Variants in APOL2 observed in about 807,000 individuals in gnomAD.
The protein encoded by APOL2 is apolipoprotein L, 2.
APOL2 carries 8 observed loss-of-function variants against 7.1 expected under a neutral mutation model. The observed-to-expected ratio is 1.12, with a 90% CI of 0.66 to 2.03. The LOEUF (loss-of-function observed/expected upper bound fraction) is 2.03, where lower values mean the gene tolerates loss of function less well. Ranked by LOEUF, APOL2 falls within the 30% of genes most tolerant of loss-of-function variation. APOL2 has a pLI of 0.00. For missense variants in APOL2, 471 were observed against 415.1 expected (o/e 1.13, Z -1.17); for synonymous variants, 177 against 159.9 (o/e 1.11, Z -0.81).
intron 2 of APOL2, 30 bp downstream of exon 2, chr22:36,233,364 TCCTGGGGC>T: frequency 6.4e-7 from 1 of 1,562,158 alleles, no homozygotes; most frequent in Non-Finnish European, 8.7e-7. Flanking sequence ...AGTGTTTATC[TCCTGGGGC>T]CCTGCCAGCT....
At position 36,227,431 on chromosome 22, in the gene APOL2, C is replaced by T; in HGVS notation, c.987G>A (p.Glu329=). The change falls in exon 5 of 5, where the codon GAG becomes GAA. Residue 329 remains glutamate, a synonymous_variant. Coordinates refer to ENST00000358502, the MANE Select transcript of APOL2 (RefSeq NM_030882.4). The stretch of plus-strand genomic sequence containing the variant: ...ATTGGTCTTGGCCTGGCTGCAGCAT[C>T]TCATGGATCTTGGTGAGAAAGTTGA... ...GKLNFLTKIH[E]MLQPGQDQ 6.2e-7 allele frequency: 1 copy of T among 1,609,268 alleles called. No homozygotes were observed.
Position 36,227,659 on chromosome 22 carries a change from G to A in APOL2, c.759C>T (p.Gly253=), listed in dbSNP as rs200264212. 5.1e-5 allele frequency: 83 copies of A among 1,614,208 alleles called. No individual in the cohort carries two copies. In the Admixed American group the frequency reaches 1.3e-3, roughly 25 times the overall value. The change falls in exon 5 of 5, where the codon GGC becomes GGT. Residue 253 remains glycine, a synonymous_variant. Transcript: ENST00000358502. The stretch of plus-strand genomic sequence containing the variant: ...CAACAACCCTCTCAACCTGTTCACC[G>A]CCTTCAGCTGAGATTCGCCCAATGA... ...PHVIGRISAE[G]GEQVERVVEG...
Position 36,239,505 on chromosome 22 carries a change from G to A in APOL2, c.-198C>T, listed in dbSNP as rs138873667. 1,317 of 1,585,756 alleles carry A rather than the reference G, an allele frequency of 8.3e-4. 1 individual carries two copies. Among genetic ancestry groups the A allele is most frequent in the Non-Finnish European group, 9.9e-4 (1,165 of 1,172,752 alleles). ...CTGTTCTGAGCTGTGTGGATCCCAC[G>A]TCCAGCTGTGCATCTGTGTAATAAC... On this transcript the variant is annotated 5_prime_UTR_variant, in exon 1 of 5. In the 5' UTR this introduces an upstream ATG that the reference lacks. Transcript: ENST00000358502.
At chr22:36,232,336 A>C (rs2015250502) in intron 3 of APOL2, among the ~76,000 whole-genome samples, 1 of 152,248 alleles carries the variant, frequency 6.6e-6, no homozygotes, top group South Asian at 2.1e-4. Flanking sequence ...TGCCTGAGGC[A>C]GTCATCCCTG....
intron 4 of APOL2, among the ~76,000 whole-genome samples, chr22:36,229,921 A>T (rs1436579632): frequency 6.6e-6 from 1 of 152,092 alleles, no homozygotes; most frequent in African/African-American, 2.4e-5. Flanking sequence ...CTGGCTCCAC[A>T]TGGACGCTCC....
chr22:36,228,018 C>A lies in APOL2; in HGVS notation c.400G>T (p.Gly134Cys). ...TCTGTGAAGGGTGCCAGACCCAGGCCGAGGAGGGTCAGGATGCCAGAGGTA... is the reference window on the plus strand; with the variant it reads ...TCTGTGAAGGGTGCCAGACCCAGGCAGAGGAGGGTCAGGATGCCAGAGGTA... ...GTTSGILTLL[G>C]LGLAPFTEGI... The change falls in exon 5 of 5, where the codon GGC becomes TGC. Residue 134 changes from glycine to cysteine, a missense_variant. Coordinates refer to ENST00000358502, the MANE Select transcript of APOL2 (RefSeq NM_030882.4). 6.2e-7 allele frequency: 1 copy of A among 1,614,220 alleles called. No homozygotes were observed. The highest frequency in any genetic ancestry group is 8.5e-7 in the Non-Finnish European group (1 of 1,180,032).
At chr22:36,236,847 C>T in intron 1 of APOL2, 2 of 1,210,606 alleles carry the variant, frequency 1.7e-6, no homozygotes, top group South Asian at 7.3e-5. Flanking sequence ...CAGCAGTTCA[C>T]CAGGGGAGTA....
upstream of APOL2, chr22:36,239,727 C>T (rs553633501): frequency 1.2e-3 from 656 of 555,058 alleles, 3 homozygotes; most frequent in African/African-American, 0.011. Flanking sequence ...TCTCATCCAA[C>T]CCACCTGCCT....
chr22:36,234,749 C>G (rs2015342331), intron 1 of APOL2, among the ~76,000 whole-genome samples: 1 of 152,126 alleles, frequency 6.6e-6, no homozygotes, highest in African/African-American at 2.4e-5. Context: ...ACTAATTGCT[C>G]TAAGATGTTA....
In APOL2 at chr22:36,227,053, C is replaced by T. The variant is rs963999147; in HGVS notation, c.*351G>A. Reference sequence around the variant, plus strand: ...CATTTTGGCCAGGCGCGGTGGCTCACGCCTGTAATCCCAGCACTTTGGGAG... The same window carrying T: ...CATTTTGGCCAGGCGCGGTGGCTCATGCCTGTAATCCCAGCACTTTGGGAG... On this transcript the variant is annotated 3_prime_UTR_variant, in exon 5 of 5. Transcript: ENST00000358502. 6 of 198,948 alleles carry T rather than the reference C, an allele frequency of 3.0e-5. No individual in the cohort carries two copies. The highest frequency in any genetic ancestry group is 7.1e-5 in the African/African-American group (3 of 42,544). 12.3% of individuals were successfully genotyped at this position (198,948 alleles called of 1,614,324 possible). A position where few individuals can be genotyped will look rare whatever the true frequency, so the allele number is the denominator to read the frequency against.
intron 3 of APOL2, 119 bp from the exon 4 acceptor site, chr22:36,231,585 G>A: frequency 7.8e-7 from 1 of 1,280,752 alleles, no homozygotes; most frequent in Non-Finnish European, 1.1e-6. Context: ...GGACATGTTT[G>A]ATGGAGTCAT....
intron 1 of APOL2, among the ~76,000 whole-genome samples, chr22:36,236,403 C>T (rs1407483516): frequency 6.6e-6 from 1 of 152,132 alleles, no homozygotes; most frequent in Non-Finnish European, 1.5e-5. Context: ...AAATTGTTTA[C>T]AGCTACAAAG....
Position 36,227,842 on chromosome 22 carries a change from T to C in APOL2, c.576A>G (p.Ala192=), listed in dbSNP as rs1406834549. 4.2e-5 allele frequency: 67 copies of C among 1,614,120 alleles called. No individual in the cohort carries two copies. The highest frequency in any genetic ancestry group is 5.5e-5 in the Non-Finnish European group (65 of 1,180,052). Residue 192 remains alanine (A), a synonymous_variant, in exon 5 of 5, where the codon GCA becomes GCG. Coordinates refer to ENST00000358502, the MANE Select transcript of APOL2 (RefSeq NM_030882.4). The part of the protein sequence containing the change: ...RNLDQSGTNV[A]KVMKEFVGGN... ...CACCCACAAACTCCTTCATCACCTT[T>C]GCTACATTGGTGCCGCTTTGGTCCA...
chr22:36,235,400 C>CA (rs1221369412), intron 1 of APOL2, among the ~76,000 whole-genome samples: 1 of 151,912 alleles, frequency 6.6e-6, no homozygotes, highest in Admixed American at 6.6e-5. Flanking sequence ...TGACCAAATA[C>CA]AAAAGGAGTC....
chr22:36,238,974 A>G (rs1219998387), intron 1 of APOL2, among the ~76,000 whole-genome samples: 2 of 152,228 alleles, frequency 1.3e-5, no homozygotes, highest in East Asian at 1.9e-4. Context: ...TTGTGTCTCA[A>G]AAGAAATCTG....
At chr22:36,238,331 AT>A (rs1477609063) in intron 1 of APOL2, among the ~76,000 whole-genome samples, 2 of 152,202 alleles carry the variant, frequency 1.3e-5, no homozygotes, top group East Asian at 3.8e-4. Context: ...CTTGATGGGC[AT>A]CTCTTTTTGG....
In APOL2 at chr22:36,226,458, C is replaced by T. The variant is rs1476984495; in HGVS notation, c.*946G>A. On this transcript the variant is annotated 3_prime_UTR_variant, in exon 5 of 5. Transcript: ENST00000358502. ...ATTGTGGCCATGGCCTACCACCTGC[C>T]TCTCAGGGTTCAAGCAGGGGACATG... is the stretch of plus-strand genomic sequence containing the variant. 6.6e-6 allele frequency: 1 copy of T among 152,406 alleles called. No individual in the cohort carries two copies. The highest frequency in any genetic ancestry group is 2.4e-5 in the African/African-American group (1 of 41,564). 9.4% of individuals were successfully genotyped at this position (152,406 alleles called of 1,614,324 possible).
chr22:36,239,161 GTC>G (rs2015515313), intron 1 of APOL2: 15 of 1,236,642 alleles, frequency 1.2e-5, no homozygotes, highest in Non-Finnish European at 1.5e-5. Context: ...AGCTGGCCGT[GTC>G]TGAGGGTGTC....
Position 36,228,206 on chromosome 22 carries a change from T to G in APOL2, c.212A>C (p.His71Pro), listed in dbSNP as rs755525332. The part of the protein sequence containing the change: ...SHMVMKDKNR[H>P]DKDQQHRQWF... Reference sequence around the variant, plus strand: ...CTGCCTGTGCTGCTGGTCTTTATCGTGGCGGTTTTTGTCCTTCATGACCAT... The same window carrying G: ...CTGCCTGTGCTGCTGGTCTTTATCGGGGCGGTTTTTGTCCTTCATGACCAT... Residue 71 changes from histidine (H) to proline (P), a missense_variant, in exon 5 of 5, where the codon CAC (histidine) becomes CCC (proline). Physicochemically the swap from His to Pro is moderately conservative, Grantham distance 77. Coordinates refer to ENST00000358502, the MANE Select transcript of APOL2 (RefSeq NM_030882.4). The G allele has an allele frequency of 1.6e-5, 26 of 1,614,236 alleles. No individual in the cohort carries two copies. The highest frequency in any genetic ancestry group is 2.2e-5 in the Non-Finnish European group (26 of 1,180,038).
Sources: allele counts gnomAD v4.1 joint callset (sites outside exome capture counted in the v4.1 genomes callset), GRCh38; gene constraint gnomAD v4.1.1; transcripts MANE v1.5; gene names NCBI Gene and HGNC (gene_info 2026-07-23, HGNC 2026-07-21).